Variants in OPHN1 observed in about 807,000 individuals in gnomAD.
The protein encoded by OPHN1 is oligophrenin-1.
OPHN1 carries 11 observed loss-of-function variants against 60.7 expected under a neutral mutation model. That is an observed-to-expected ratio of 0.18 (90% CI 0.11 to 0.30). OPHN1 has a LOEUF of 0.30. OPHN1 is among the 10% of genes least tolerant of loss of function. OPHN1 has a pLI of 1.00. For missense variants in OPHN1, 449 were observed against 611.0 expected (o/e 0.73, Z 2.80); for synonymous variants, 226 against 222.6 (o/e 1.02, Z -0.14).
At chrX:68,243,143 T>A (rs898938638) in intron 5 of OPHN1, among the ~76,000 whole-genome samples, 1 of 109,985 alleles carries the variant, frequency 9.1e-6, no homozygotes, top group African/African-American at 3.3e-5. Flanking sequence ...AGGATTACAG[T>A]CATGAGCCAG....
At chrX:68,284,138 G>T (rs1039654998) in intron 3 of OPHN1, among the ~76,000 whole-genome samples, 1 of 111,347 alleles carries the variant, frequency 9.0e-6, no homozygotes, top group Non-Finnish European at 1.9e-5. Context: ...TTCCAGACAC[G>T]ATCAGTTTAC....
At chrX:68,270,579 G>A (rs1359359431) in intron 5 of OPHN1, among the ~76,000 whole-genome samples, 1 of 82,938 alleles carries the variant, frequency 1.2e-5, no homozygotes. Flanking sequence ...TCACACACTG[G>A]GGCCTGTTGT....
intron 2 of OPHN1, among the ~76,000 whole-genome samples, chrX:68,384,649 G>T (rs1438361540): frequency 9.1e-6 from 1 of 110,133 alleles, no homozygotes; most frequent in Non-Finnish European, 1.9e-5. Flanking sequence ...TTGAATGCAG[G>T]AGGCAGAGGT....
intron 21 of OPHN1, among the ~76,000 whole-genome samples, chrX:68,056,309 C>A (rs913697056): frequency 3.6e-5 from 4 of 111,023 alleles, no homozygotes; most frequent in Non-Finnish European, 7.5e-5. Flanking sequence ...CCTCTGAACA[C>A]CCTAGTAGGT....
chrX:68,213,331 C>T, intron 7 of OPHN1, among the ~76,000 whole-genome samples: 1 of 111,686 alleles, frequency 9.0e-6, no homozygotes, highest in Non-Finnish European at 1.9e-5. Flanking sequence ...CACTGCACTC[C>T]AGTTTGGGTG....
intron 15 of OPHN1, among the ~76,000 whole-genome samples, chrX:68,168,280 G>T (rs1417900492): frequency 9.0e-6 from 1 of 111,068 alleles, no homozygotes; most frequent in African/African-American, 3.3e-5. Context: ...AAATGTAAAA[G>T]ATCAGAAATT....
chrX:68,324,820 T>C (rs2078252438), intron 2 of OPHN1, among the ~76,000 whole-genome samples: 1 of 107,950 alleles, frequency 9.3e-6, no homozygotes, highest in Admixed American at 1.0e-4. Context: ...GGTGGGAGGA[T>C]TGCTTGAGCC....
intron 3 of OPHN1, among the ~76,000 whole-genome samples, chrX:68,288,043 A>C (rs2078053586): frequency 8.9e-6 from 1 of 111,921 alleles, no homozygotes; most frequent in Non-Finnish European, 1.9e-5. Context: ...ATGTGGCCTG[A>C]AAAAGCCCTA....
chrX:68,240,934 T>C (rs1376731707), intron 5 of OPHN1, among the ~76,000 whole-genome samples: 1 of 112,471 alleles, frequency 8.9e-6, no homozygotes, highest in Non-Finnish European at 1.9e-5. Context: ...ACTGACTTCA[T>C]TGTCATTTCA....
At chrX:68,253,947 T>C (rs912354611) in intron 5 of OPHN1, among the ~76,000 whole-genome samples, 5 of 112,160 alleles carry the variant, frequency 4.5e-5, no homozygotes, top group Non-Finnish European at 9.4e-5. Flanking sequence ...TCCGTCCCTG[T>C]GGTATGTACG....
chrX:68,320,024 T>A (rs1340527017), intron 2 of OPHN1, among the ~76,000 whole-genome samples: 1 of 110,527 alleles, frequency 9.0e-6, no homozygotes, highest in Non-Finnish European at 1.9e-5. Flanking sequence ...GAAACAATAG[T>A]CAACATAAAT....
chrX:68,063,705 G>C (rs2076902058), intron 21 of OPHN1, 149 bp downstream of exon 21: 2 of 496,638 alleles, frequency 4.0e-6, no homozygotes, highest in Non-Finnish European at 6.4e-6. Context: ...TATTGTGACT[G>C]ATTATTGTGA....
chrX:68,309,679 A>G lies in OPHN1; in HGVS notation c.155-10583T>C, dbSNP rs147808312. On this transcript the variant is annotated intron_variant, in intron 2 of 24. Transcript: ENST00000355520. ...TATGAAAAATGTGAGTCACCAATATATACATTCTGAGCTTGAAAAGGGGGA... is the reference window on the plus strand; with the variant it reads ...TATGAAAAATGTGAGTCACCAATATGTACATTCTGAGCTTGAAAAGGGGGA... Among the ~76,000 whole-genome samples, 26 of 112,390 alleles carry G rather than the reference A, an allele frequency of 2.3e-4. No homozygotes were observed. The East Asian group carries it at 5.6e-3, about 24-fold the overall frequency.
At chrX:68,415,923 G>C (rs1355987963) in intron 2 of OPHN1, among the ~76,000 whole-genome samples, 1 of 107,332 alleles carries the variant, frequency 9.3e-6, no homozygotes, top group Non-Finnish European at 1.9e-5. Flanking sequence ...GCTGAGGCAG[G>C]AGTATTGCTC....
Position 68,064,190 on chromosome X carries a change from G to A in OPHN1, c.1835-13C>T. On this transcript the variant is annotated splice_polypyrimidine_tract_variant and intron_variant, in intron 20 of 24. Coordinates refer to ENST00000355520, the MANE Select transcript of OPHN1 (RefSeq NM_002547.3). ...TGTTGGATTTCATCTAGGAAAAGTT[G>A]GTGCCAAGAGGGAAGATTAATGATA... 1 of 1,198,707 alleles carries A rather than the reference G, an allele frequency of 8.3e-7. No individual in the cohort carries two copies. Among genetic ancestry groups the A allele is most frequent in the African/African-American group, 1.7e-5 (1 of 57,383 alleles).
intron 5 of OPHN1, among the ~76,000 whole-genome samples, chrX:68,251,070 T>C (rs905484302): frequency 3.7e-5 from 4 of 108,329 alleles, no homozygotes; most frequent in African/African-American, 1.0e-4. Flanking sequence ...TTTGAAGAAA[T>C]GGAAAACAGA....
chrX:68,318,869 GTC>G (rs1337433925), intron 2 of OPHN1, among the ~76,000 whole-genome samples: 1 of 111,576 alleles, frequency 9.0e-6, no homozygotes, highest in Non-Finnish European at 1.9e-5. Flanking sequence ...TTTGGAGAAT[GTC>G]TCTCAATTAA....
chrX:68,333,093 C>T (rs1346102967), intron 2 of OPHN1, among the ~76,000 whole-genome samples: 1 of 109,875 alleles, frequency 9.1e-6, no homozygotes, highest in Non-Finnish European at 1.9e-5. Context: ...GTATATATAA[C>T]GGTGGCCATA....
intron 17 of OPHN1, 91 bp from the exon 18 acceptor site, chrX:68,112,050 C>A: frequency 2.2e-6 from 1 of 451,701 alleles, no homozygotes; most frequent in Non-Finnish European, 3.9e-6. Context: ...AACACACACA[C>A]ATGCACACAT....
Sources: allele counts gnomAD v4.1 joint callset (sites outside exome capture counted in the v4.1 genomes callset), GRCh38; gene constraint gnomAD v4.1.1; transcripts MANE v1.5; gene names NCBI Gene and HGNC (gene_info 2026-07-23, HGNC 2026-07-21).